CLIC5: variants seen among roughly 807,000 people sequenced by gnomAD.
CLIC5 encodes CLIC family member 5.
In CLIC5, 20 loss-of-function variants were observed where a neutral mutation model predicts 24.7. The ratio of observed to expected loss-of-function variants is 0.81; its 90% confidence interval spans 0.57 to 1.18. CLIC5 has a LOEUF of 1.18. Ranked by LOEUF, CLIC5 falls within the 50% of genes most tolerant of loss-of-function variation. The probability of loss-of-function intolerance (pLI) is 0.00; values close to 1 mark genes in which losing one functional copy is unlikely to be tolerated. For missense variants in CLIC5, 341 were observed against 326.1 expected (o/e 1.05, Z -0.35); for synonymous variants, 159 against 135.6 (o/e 1.17, Z -1.20).
At chr6:45,990,375 G>A (rs528726553) in intron 1 of CLIC5, among the ~76,000 whole-genome samples, 3 of 152,276 alleles carry the variant, frequency 2.0e-5, no homozygotes, top group South Asian at 2.1e-4. Flanking sequence ...CTGCCTGAAC[G>A]AAACAAAGAA....
intron 1 of CLIC5, among the ~76,000 whole-genome samples, chr6:46,012,869 A>G (rs983490146): frequency 3.9e-5 from 6 of 152,224 alleles, no homozygotes; most frequent in Admixed American, 3.9e-4. Context: ...TGTTTTCTTT[A>G]TCTTTCACAT....
chr6:46,019,688 G>A (rs1224282923), upstream of CLIC5, among the ~76,000 whole-genome samples: 2 of 111,044 alleles, frequency 1.8e-5, no homozygotes, highest in African/African-American at 7.3e-5. Flanking sequence ...GCGAGACTCC[G>A]TCTCAAAAAA....
chr6:46,128,659 A>G, the CLIC5 span, among the ~76,000 whole-genome samples: 2 of 152,326 alleles, frequency 1.3e-5, no homozygotes, highest in Admixed American at 6.5e-5. Context: ...TGAAAGCTCA[A>G]ATAGGTTGAG....
intron 1 of CLIC5, among the ~76,000 whole-genome samples, chr6:45,995,806 TC>T (rs1363914379): frequency 6.6e-6 from 1 of 152,142 alleles, no homozygotes; most frequent in African/African-American, 2.4e-5. Context: ...TGAGACCATG[TC>T]CTTTGCGGGG....
At chr6:46,120,975 G>A in the CLIC5 span, among the ~76,000 whole-genome samples, 20,131 of 152,002 alleles carry the variant, frequency 0.13, 1,725 homozygotes, top group South Asian at 0.32. Context: ...TGAAAGTGAC[G>A]GGGAGAATGG....
intron 5 of CLIC5, among the ~76,000 whole-genome samples, 160 bp downstream of exon 5, chr6:45,914,068 G>A (rs147335019): frequency 2.0e-5 from 3 of 152,244 alleles, no homozygotes; most frequent in African/African-American, 7.2e-5. Context: ...AGGCCACACA[G>A]CCAACAAGCA....
At chr6:46,124,776 A>C in the CLIC5 span, among the ~76,000 whole-genome samples, 1 of 150,882 alleles carries the variant, frequency 6.6e-6, no homozygotes, top group Non-Finnish European at 1.5e-5. Context: ...GGATATGAAC[A>C]GACACTTCTC....
chr6:45,906,469 T>G (rs1305722687), intron 5 of CLIC5, among the ~76,000 whole-genome samples: 2 of 152,170 alleles, frequency 1.3e-5, no homozygotes, highest in African/African-American at 2.4e-5. Context: ...TTTATTTTAT[T>G]TTTGCAGCTA....
chr6:45,972,023 T>C (rs1362859899), intron 1 of CLIC5, among the ~76,000 whole-genome samples: 1 of 152,164 alleles, frequency 6.6e-6, no homozygotes, highest in Non-Finnish European at 1.5e-5. Context: ...ACATTTACTC[T>C]AGTTGTTCAA....
intron 1 of CLIC5, among the ~76,000 whole-genome samples, chr6:46,072,803 C>G (rs1426042016): frequency 6.6e-6 from 1 of 152,100 alleles, no homozygotes; most frequent in Non-Finnish European, 1.5e-5. Context: ...GTGTGAGTAC[C>G]CAGGCAGGGA....
chr6:45,975,955 A>G (rs1158792280), intron 1 of CLIC5, among the ~76,000 whole-genome samples: 1 of 152,174 alleles, frequency 6.6e-6, no homozygotes, highest in Non-Finnish European at 1.5e-5. Context: ...GTAAATGATC[A>G]GTGATGGAAA....
the CLIC5 span, among the ~76,000 whole-genome samples, chr6:46,087,492 G>A: frequency 1.3e-5 from 2 of 151,872 alleles, no homozygotes; most frequent in Non-Finnish European, 2.9e-5. Flanking sequence ...CTCTGCCCTG[G>A]CACTGTCATC....
intron 1 of CLIC5, among the ~76,000 whole-genome samples, chr6:46,009,501 A>C (rs1233697442): frequency 6.6e-6 from 1 of 152,166 alleles, no homozygotes; most frequent in South Asian, 2.1e-4. Context: ...TAGGAAACTC[A>C]TGCTTAACCA....
intron 1 of CLIC5, among the ~76,000 whole-genome samples, chr6:46,070,427 C>A (rs928059020): frequency 6.6e-6 from 1 of 152,034 alleles, no homozygotes; most frequent in Non-Finnish European, 1.5e-5. Context: ...TATACACCAA[C>A]AACAGTCAAG....
At chr6:46,005,574 C>T (rs1766520925) in intron 1 of CLIC5, among the ~76,000 whole-genome samples, 1 of 152,158 alleles carries the variant, frequency 6.6e-6, no homozygotes, top group African/African-American at 2.4e-5. Flanking sequence ...TCTGGATCCC[C>T]CAGCTTGCCA....
intron 5 of CLIC5, among the ~76,000 whole-genome samples, chr6:45,907,697 T>C (rs953850586): frequency 6.6e-6 from 1 of 152,156 alleles, no homozygotes; most frequent in African/African-American, 2.4e-5. Flanking sequence ...ACTGATTCAA[T>C]TTCATAACTC....
intron 1 of CLIC5, among the ~76,000 whole-genome samples, chr6:46,072,208 A>G (rs1762623939): frequency 6.6e-6 from 1 of 151,502 alleles, no homozygotes; most frequent in Admixed American, 6.6e-5. Flanking sequence ...TATATAACAA[A>G]TCTGCTAATG....
At position 46,052,360 on chromosome 6, in the gene CLIC5, C is replaced by A. The variant is rs116473541; in HGVS notation, c.540+27343G>T. 7.3e-3 allele frequency among the ~76,000 whole-genome samples: 1,117 copies of A among 152,222 alleles called. 19 individuals are homozygous for A. The highest frequency in any genetic ancestry group is 0.025 in the African/African-American group (1,059 of 41,534). ...TACTGTCTGCAGATTATCCTGAGAT[C>A]CTGCTGAAATAAGAGTAGAGAAGTA... is the stretch of plus-strand genomic sequence containing the variant. On this transcript the variant is annotated intron_variant, in intron 1 of 5. Coordinates refer to the CLIC5 transcript ENST00000185206.
chr6:46,056,908 C>T (rs756924974), intron 1 of CLIC5, among the ~76,000 whole-genome samples: 3 of 152,086 alleles, frequency 2.0e-5, no homozygotes, highest in Non-Finnish European at 4.4e-5. Flanking sequence ...TGTTGAAAAC[C>T]CTCCTCACCC....
Sources: allele counts gnomAD v4.1 joint callset (sites outside exome capture counted in the v4.1 genomes callset), GRCh38; gene constraint gnomAD v4.1.1; transcripts MANE v1.5; gene names NCBI Gene and HGNC (gene_info 2026-07-23, HGNC 2026-07-21).